Variants in SHF observed in about 807,000 individuals in gnomAD.
SHF encodes SH2 domain-containing adapter protein F.
A neutral mutation model predicts 42.4 loss-of-function variants in SHF; 30 were observed. The observed-to-expected ratio is 0.71, with a 90% CI of 0.53 to 0.96. The LOEUF is 0.96. Ranked by LOEUF, SHF falls within the 40% of genes least tolerant of loss-of-function variation. SHF has a pLI of 0.00. For synonymous variants in SHF, 264 were observed against 269.9 expected (o/e 0.98, Z 0.21); for missense variants, 598 against 634.0 (o/e 0.94, Z 0.61).
At chr15:45,188,301 CAA>C (rs1203639581), upstream of SHF, among the ~76,000 whole-genome samples, 1 of 152,206 alleles carries the variant, frequency 6.6e-6, no homozygotes, top group African/African-American at 2.4e-5. Flanking sequence ...GTGCGAGACG[CAA>C]AGAGGGGAGC....
At chr15:45,194,709 A>G (rs1047654877) in intron 2 of SHF, among the ~76,000 whole-genome samples, 5 of 152,184 alleles carry the variant, frequency 3.3e-5, no homozygotes, top group African/African-American at 1.2e-4. Context: ...GCTTTCTCAC[A>G]CAAGATGTTC....
chr15:45,176,131 T>C (rs1200965869), intron 2 of SHF, among the ~76,000 whole-genome samples: 1 of 152,140 alleles, frequency 6.6e-6, no homozygotes, highest in Admixed American at 6.6e-5. Context: ...GCAAGTGATA[T>C]CATTTGACAA....
chr15:45,169,408 C>G (rs1897362117), intron 6 of SHF, among the ~76,000 whole-genome samples: 3 of 152,274 alleles, frequency 2.0e-5, no homozygotes, highest in Middle Eastern at 3.4e-3. Context: ...GCCTGAGGCC[C>G]CAGGGCTGGG....
In SHF at chr15:45,182,811, G is replaced by A. The variant is rs866697956; in HGVS notation, c.499-4505C>T. Among the ~76,000 whole-genome samples the A allele has an allele frequency of 7.2e-5, 11 of 152,220 alleles. No homozygotes were observed. In the South Asian group the frequency reaches 2.1e-3, roughly 29 times the overall value. On this transcript the variant is annotated intron_variant, in intron 1 of 6. Coordinates refer to ENST00000690270, the MANE Select transcript of SHF (RefSeq NM_001394037.1). ...AAATGGTACATTACTTACCTTCCTCGAGATCAAACTTTTTATACCCATTGT... is the reference window on the plus strand; with the variant it reads ...AAATGGTACATTACTTACCTTCCTCAAGATCAAACTTTTTATACCCATTGT...
In SHF at chr15:45,187,626, T is replaced by C. The variant is rs1279676310; in HGVS notation, c.326A>G (p.Tyr109Cys). ...LQRERDFEDPYSGGSSGSAAL... is the reference protein window; with the variant it reads ...LQRERDFEDPCSGGSSGSAAL... ...GGCGGAGCCGGACGACCCCCCGGAGTAGGGGTCTTCGAAGTCGCGCTCCCG... is the reference window on the plus strand; with the variant it reads ...GGCGGAGCCGGACGACCCCCCGGAGCAGGGGTCTTCGAAGTCGCGCTCCCG... The change falls in exon 1 of 7, where the codon TAC (tyrosine) becomes TGC (cysteine). Residue 109 changes from tyrosine to cysteine, a missense_variant. Around this residue, in one of 2 missense-constraint regions of SHF, gnomAD observed 439 missense variants for 524.6 expected, o/e 0.84. Coordinates refer to ENST00000690270, the MANE Select transcript of SHF (RefSeq NM_001394037.1). The C allele has an allele frequency of 1.6e-6, 2 of 1,227,062 alleles. No individual in the cohort carries two copies. Among genetic ancestry groups the C allele is most frequent in the African/African-American group, 1.6e-5 (1 of 63,136 alleles). 76.0% of individuals were successfully genotyped at this position (1,227,062 alleles called of 1,614,324 possible).
rs148971657 is a variant in SHF at position 45,181,840 on chromosome 15, A to G, written c.499-3534T>C. On this transcript the variant is annotated intron_variant, in intron 1 of 6. Transcript: ENST00000690270. The stretch of plus-strand genomic sequence containing the variant: ...AGGGGTGAAATTAAAGACTTTCAAA[A>G]CTTAAAAATAAATAAATAAATAAAA... 4.5e-3 allele frequency among the ~76,000 whole-genome samples: 687 copies of G among 152,320 alleles called. 7 individuals carry two copies. Among genetic ancestry groups the G allele is most frequent in the African/African-American group, 0.016 (655 of 41,576 alleles).
intron 6 of SHF, chr15:45,170,499 A>T: frequency 8.1e-7 from 1 of 1,228,872 alleles, no homozygotes; most frequent in Non-Finnish European, 1.1e-6. Context: ...AAAAAGCGAT[A>T]ATCTATCAAC....
chr15:45,194,444 C>T (rs1039112589), intron 2 of SHF, among the ~76,000 whole-genome samples: 8 of 151,878 alleles, frequency 5.3e-5, no homozygotes, highest in African/African-American at 1.7e-4. Context: ...CTACACCTCC[C>T]GAGTTCCAGC....
At chr15:45,200,479 C>G (rs1455611333) in intron 1 of SHF, 1 of 342,704 alleles carries the variant, frequency 2.9e-6, no homozygotes, top group Non-Finnish European at 5.8e-6. Flanking sequence ...ACTATACGAT[C>G]ACGGCGAGCT....
At chr15:45,189,730 A>G (rs1898656940), upstream of SHF, among the ~76,000 whole-genome samples, 1 of 144,202 alleles carries the variant, frequency 6.9e-6, no homozygotes, top group African/African-American at 2.5e-5. Flanking sequence ...AGAGGCCCCA[A>G]AGGAAAGGAG....
intron 1 of SHF, 34 bp from the exon 2 acceptor site, chr15:45,178,340 G>A (rs1237309411): frequency 6.3e-7 from 1 of 1,596,362 alleles, no homozygotes; most frequent in Non-Finnish European, 8.5e-7. Context: ...TGGGCTTCAG[G>A]GAGCAGAGAG....
chr15:45,196,302 C>G (rs2141451806), intron 2 of SHF, among the ~76,000 whole-genome samples: 1 of 152,268 alleles, frequency 6.6e-6, no homozygotes, highest in Non-Finnish European at 1.5e-5. Flanking sequence ...CCATGTTGGC[C>G]AGGCTGGTCT....
chr15:45,177,496 C>G (rs12899786), intron 2 of SHF, among the ~76,000 whole-genome samples: 41,740 of 152,136 alleles, frequency 0.27, 6,473 homozygotes, highest in Middle Eastern at 0.35. Flanking sequence ...CATTTTGAAG[C>G]AAGTCCAGAT....
intron 6 of SHF, chr15:45,170,518 C>A: frequency 1.8e-6 from 2 of 1,129,296 alleles, no homozygotes; most frequent in Non-Finnish European, 1.2e-6. Context: ...ACTCATTTGG[C>A]AAAGGTAGAA....
At chr15:45,195,079 G>T (rs891559984) in intron 2 of SHF, among the ~76,000 whole-genome samples, 2 of 151,890 alleles carry the variant, frequency 1.3e-5, no homozygotes, top group Non-Finnish European at 2.9e-5. Context: ...TGATCCTCCT[G>T]CCTCGGCCTC....
intron 3 of SHF, 47 bp from the exon 4 acceptor site, chr15:45,173,763 A>T (rs1191640228): frequency 6.5e-7 from 1 of 1,546,136 alleles, no homozygotes; most frequent in East Asian, 2.4e-5. Flanking sequence ...AGTGACAGAG[A>T]CAGAAAGAGG....
chr15:45,175,817 TTC>T (rs1273817285), intron 2 of SHF, among the ~76,000 whole-genome samples: 32 of 68,670 alleles, frequency 4.7e-4, no homozygotes, highest in African/African-American at 1.3e-3. Flanking sequence ...TCTTTTTCTT[TTC>T]TTTTTTTTTT....
chr15:45,199,884 G>A (rs12905053), intron 1 of SHF: 45,065 of 144,572 alleles, frequency 0.31, 7,728 homozygotes, highest in East Asian at 0.61. Flanking sequence ...AACCCAGGAG[G>A]CGGAGGTTGC....
chr15:45,167,730 C>T lies in SHF; in HGVS notation c.*217G>A. 1 of 404,614 alleles carries T rather than the reference C, an allele frequency of 2.5e-6. No homozygotes were observed. Among genetic ancestry groups the T allele is most frequent in the Non-Finnish European group, 4.3e-6 (1 of 232,688 alleles). 25.1% of individuals were successfully genotyped at this position (404,614 alleles called of 1,614,324 possible). Reference sequence around the variant, plus strand: ...CCTTCCTCCAGGGGCTATCCTTTCTCTCCAGGGATTCCTCTTTCCCCAGCT... The same window carrying T: ...CCTTCCTCCAGGGGCTATCCTTTCTTTCCAGGGATTCCTCTTTCCCCAGCT... On this transcript the variant is annotated 3_prime_UTR_variant, in exon 7 of 7. Coordinates refer to ENST00000690270, the MANE Select transcript of SHF (RefSeq NM_001394037.1).
Sources: allele counts gnomAD v4.1 joint callset (sites outside exome capture counted in the v4.1 genomes callset), GRCh38; gene constraint gnomAD v4.1.1; regional missense constraint gnomAD v4.1.1; transcripts MANE v1.5; gene names NCBI Gene and HGNC (gene_info 2026-07-23, HGNC 2026-07-21).